Variants in UBLCP1 observed in about 807,000 individuals in gnomAD.
UBLCP1 encodes the protein ubiquitin like domain containing CTD phosphatase 1, also known as ubiquitin-like domain-containing CTD phosphatase 1.
A neutral mutation model predicts 42.4 loss-of-function variants in UBLCP1; 28 were observed. That is an observed-to-expected ratio of 0.66 (90% CI 0.49 to 0.90). UBLCP1 has a LOEUF of 0.90. Ranked by LOEUF, UBLCP1 falls within the 40% of genes least tolerant of loss-of-function variation. The probability of loss-of-function intolerance (pLI) is 0.00; values close to 1 mark genes in which losing one functional copy is unlikely to be tolerated. For synonymous variants in UBLCP1, 122 were observed against 120.8 expected (o/e 1.01, Z -0.07); for missense variants, 279 against 374.5 (o/e 0.75, Z 2.10).
chr5:159,282,346 A>G (rs1753619128), intron 9 of UBLCP1, among the ~76,000 whole-genome samples: 1 of 152,150 alleles, frequency 6.6e-6, no homozygotes, highest in Non-Finnish European at 1.5e-5. Flanking sequence ...AAAAAATTTT[A>G]TTCCACTAAA....
chr5:159,281,373 C>G (rs1321464606), intron 9 of UBLCP1, among the ~76,000 whole-genome samples: 1 of 152,168 alleles, frequency 6.6e-6, no homozygotes, highest in African/African-American at 2.4e-5. Flanking sequence ...TGCAGAAACT[C>G]ATTTCACTAC....
chr5:159,270,110 G>GA lies in UBLCP1; in HGVS notation c.246+116dup, dbSNP rs554894925. 831 of 1,013,488 alleles carry GA rather than the reference G, an allele frequency of 8.2e-4. 5 individuals carry two copies. Among genetic ancestry groups the GA allele is most frequent in the Middle Eastern group, 4.8e-3 (15 of 3,144 alleles). The allele number at this position is 1,013,488 out of a possible 1,614,324, so 62.8% of individuals were successfully genotyped here. ...TAAAATTGTCAGTCTAGCAATCAAT[G>GA]AAAAATAAAACCCGCACCGTGAATG... On this transcript the variant is annotated intron_variant, in intron 3 of 10. Transcript: ENST00000296786.
At chr5:159,278,897 T>C (rs1290140037) in intron 9 of UBLCP1, among the ~76,000 whole-genome samples, 3 of 152,204 alleles carry the variant, frequency 2.0e-5, no homozygotes, top group Non-Finnish European at 4.4e-5. Context: ...TAATTAGCTC[T>C]GTGGGAGCAA....
intron 1 of UBLCP1, 141 bp from the exon 2 acceptor site, chr5:159,268,729 C>A: frequency 1.9e-6 from 1 of 533,694 alleles, no homozygotes; most frequent in South Asian, 2.8e-5. Context: ...TTTTGGTGTT[C>A]TGGTAGCACT....
chr5:159,274,970 G>T (rs1268973640), intron 7 of UBLCP1, among the ~76,000 whole-genome samples, 178 bp from the exon 8 acceptor site: 1 of 151,988 alleles, frequency 6.6e-6, no homozygotes, highest in Non-Finnish European at 1.5e-5. Context: ...TATTTTCCTT[G>T]GTTTACCATT....
chr5:159,272,424 T>TA (rs1753479659), intron 6 of UBLCP1, among the ~76,000 whole-genome samples: 1 of 151,974 alleles, frequency 6.6e-6, no homozygotes, highest in African/African-American at 2.4e-5. Context: ...TTTTTTTTTT[T>TA]AACTAGGCAC....
chr5:159,278,474 C>T (rs1309681532), intron 9 of UBLCP1, 120 bp downstream of exon 9: 15 of 750,290 alleles, frequency 2.0e-5, no homozygotes, highest in East Asian at 7.6e-5. Flanking sequence ...ATGTCATAGG[C>T]GAGAAAAGTT....
intron 5 of UBLCP1, among the ~76,000 whole-genome samples, chr5:159,271,754 AAAAAT>A (rs775404972): frequency 6.6e-5 from 10 of 152,294 alleles, no homozygotes; most frequent in Admixed American, 4.6e-4. Context: ...TAGGTGAGAA[AAAAAT>A]TTTCAGTTTA....
At chr5:159,283,701 G>A (rs1753634163) in intron 10 of UBLCP1, among the ~76,000 whole-genome samples, 1 of 151,936 alleles carries the variant, frequency 6.6e-6, no homozygotes, top group Admixed American at 6.6e-5. Context: ...TTAATGTCAG[G>A]ATAAGATAAA....
intron 9 of UBLCP1, 82 bp downstream of exon 9, chr5:159,278,436 C>A: frequency 1.0e-6 from 1 of 954,784 alleles, no homozygotes; most frequent in Non-Finnish European, 1.7e-6. Context: ...TGTTGAATTT[C>A]ATATATTTTT....
At chr5:159,271,462 AAAAG>A (rs777817488) in intron 5 of UBLCP1, among the ~76,000 whole-genome samples, 47 of 152,354 alleles carry the variant, frequency 3.1e-4, no homozygotes, top group Non-Finnish European at 4.7e-4. Flanking sequence ...GTCTCAAAAA[AAAAG>A]AAAGAAAAAA....
Position 159,275,226 on chromosome 5 carries a change from C to T in UBLCP1, c.664C>T (p.Pro222Ser), listed in dbSNP as rs753200382. The T allele has an allele frequency of 6.2e-7, 1 of 1,612,382 alleles. No homozygotes were observed. Among genetic ancestry groups the T allele is most frequent in the South Asian group, 1.1e-5 (1 of 91,024 alleles). The stretch of plus-strand genomic sequence containing the variant: ...TGCTGCTATGATAACAGTACATACT[C>T]CAAGGAGAGGATTAATAGACGTAAG... ...DSAAMITVHT[P>S]RRGLIDVKPL... The change falls in exon 8 of 11, where the codon CCA (proline) becomes TCA (serine). Residue 222 changes from proline to serine, a missense_variant. Transcript: ENST00000296786.
rs1036300554 is a variant in UBLCP1, at chr5:159,278,050, G to C, written c.685-188G>C. On this transcript the variant is annotated intron_variant, in intron 8 of 10. Coordinates refer to ENST00000296786, the MANE Select transcript of UBLCP1 (RefSeq NM_145049.5). ...CAGTTGGACATGAACAAACCTTTCA[G>C]AAGTTTTAATATTGCAAAATGCATT... Among the ~76,000 whole-genome samples the C allele has an allele frequency of 2.0e-5, 3 of 152,156 alleles. No individual in the cohort carries two copies. In the South Asian group the frequency reaches 6.2e-4, roughly 31 times the overall value.
Position 159,268,925 on chromosome 5 carries a change from C to T in UBLCP1, c.10C>T (p.Pro4Ser). ...CTCATATGTTTCAAGAATGGCTCTCCCTATCATTGTAAAATGGGGTGGACA... is the reference window on the plus strand; with the variant it reads ...CTCATATGTTTCAAGAATGGCTCTCTCTATCATTGTAAAATGGGGTGGACA... MAL[P>S]IIVKWGGQEY... The change falls in exon 2 of 11, where the codon CCT becomes TCT. Residue 4 changes from proline to serine, a missense_variant. Transcript: ENST00000296786. 6.2e-7 allele frequency: 1 copy of T among 1,607,908 alleles called. No homozygotes were observed. The highest frequency in any genetic ancestry group is 8.5e-7 in the Non-Finnish European group (1 of 1,178,098).
chr5:159,277,129 T>C (rs1753548967), intron 8 of UBLCP1, among the ~76,000 whole-genome samples: 1 of 152,030 alleles, frequency 6.6e-6, no homozygotes, highest in East Asian at 1.9e-4. Context: ...CCACAAAATA[T>C]GGCTTATTGT....
chr5:159,271,150 C>T (rs1306051329), intron 5 of UBLCP1, among the ~76,000 whole-genome samples: 1 of 151,942 alleles, frequency 6.6e-6, no homozygotes, highest in African/African-American at 2.4e-5. Flanking sequence ...TATATTCAAG[C>T]AGATTCTTGA....
At chr5:159,273,073 AT>A (rs1753490834) in intron 6 of UBLCP1, among the ~76,000 whole-genome samples, 1 of 152,162 alleles carries the variant, frequency 6.6e-6, no homozygotes, top group Non-Finnish European at 1.5e-5. Flanking sequence ...CAGTCTGTAA[AT>A]TCATTTTGTA....
chr5:159,263,372 C>CG lies in UBLCP1; in HGVS notation c.-47+16dup, dbSNP rs1753326024. On this transcript the variant is annotated intron_variant, in intron 1 of 10. Transcript: ENST00000296786. Reference sequence around the variant, plus strand: ...CCACCGCGCTCCAGGTGAGGGGTTGCGGGGCACCCTGGCGCGCTGCCCTTG... The same window carrying CG: ...CCACCGCGCTCCAGGTGAGGGGTTGCGGGGGCACCCTGGCGCGCTGCCCTTG... 6.6e-6 allele frequency: 1 copy of CG among 152,276 alleles called. No homozygotes were observed. The highest frequency in any genetic ancestry group is 2.4e-5 in the African/African-American group (1 of 41,458). The allele number at this position is 152,276 out of a possible 1,614,324, so 9.4% of individuals were successfully genotyped here.
At chr5:159,276,727 T>C (rs7708700) in intron 8 of UBLCP1, among the ~76,000 whole-genome samples, 130,612 of 152,214 alleles carry the variant, frequency 0.86, 56,153 homozygotes, top group East Asian at 1. Flanking sequence ...AGAACACTGT[T>C]GTAAGCCGTT....
Sources: allele counts gnomAD v4.1 joint callset (sites outside exome capture counted in the v4.1 genomes callset), GRCh38; gene constraint gnomAD v4.1.1; transcripts MANE v1.5; gene names NCBI Gene and HGNC (gene_info 2026-07-23, HGNC 2026-07-21).